Variants in CFTR observed in about 807,000 individuals in gnomAD.
The protein encoded by CFTR is CF transmembrane conductance regulator.
A neutral mutation model predicts 171.6 loss-of-function variants in CFTR; 181 were observed. The ratio of observed to expected loss-of-function variants is 1.05; its 90% CI spans 0.93 to 1.19. The LOEUF (loss-of-function observed/expected upper bound fraction) is 1.19. Ranked by LOEUF, CFTR falls within the 50% of genes most tolerant of loss-of-function variation. The pLI, the probability that CFTR is intolerant of heterozygous loss-of-function variation, is 0.00. For missense variants in CFTR, 1,968 were observed against 1,734.7 expected (o/e 1.13, Z -2.39); for synonymous variants, 583 against 608.0 (o/e 0.96, Z 0.60).
At chr7:117,580,310 G>A (rs1395799462) in intron 11 of CFTR, among the ~76,000 whole-genome samples, 1 of 151,928 alleles carries the variant, frequency 6.6e-6, no homozygotes, top group African/African-American at 2.4e-5. Context: ...CAATTTCATA[G>A]GTATTAAGGA....
At chr7:117,640,409 C>T (rs1792892569) in intron 22 of CFTR, among the ~76,000 whole-genome samples, 1 of 152,056 alleles carries the variant, frequency 6.6e-6, no homozygotes, top group South Asian at 2.1e-4. Context: ...CAGTCTTTCC[C>T]AACCTAAAAA....
chr7:117,636,596 G>T (rs905196738), intron 22 of CFTR, among the ~76,000 whole-genome samples: 1 of 148,296 alleles, frequency 6.7e-6, no homozygotes, highest in Admixed American at 6.7e-5. Context: ...TTTTTCCTTC[G>T]CATTTCAGTG....
chr7:117,551,756 GC>G (rs1799274783), intron 10 of CFTR, among the ~76,000 whole-genome samples: 1 of 152,170 alleles, frequency 6.6e-6, no homozygotes, highest in South Asian at 2.1e-4. Context: ...ATCACTGGAT[GC>G]CCTTGACTGA....
At chr7:117,647,877 T>C (rs1174750614) in intron 23 of CFTR, among the ~76,000 whole-genome samples, 3 of 151,548 alleles carry the variant, frequency 2.0e-5, no homozygotes, top group African/African-American at 7.3e-5. Flanking sequence ...TTGTTCACAT[T>C]GAACAGATTT....
rs558574756 is a variant in CFTR at position 117,501,022 on chromosome 7, C to G, written c.54-3231C>G. On this transcript the variant is annotated intron_variant, in intron 1 of 26. Transcript: ENST00000003084. The stretch of plus-strand genomic sequence containing the variant: ...AAGGTCACTGGGTTGTAAATAAGGA[C>G]CAAAAGAGTTACGTTTATATTTTTT... Among the ~76,000 whole-genome samples the G allele has an allele frequency of 1.2e-3, 182 of 152,106 alleles. 1 individual carries two copies. Among genetic ancestry groups the G allele is most frequent in the African/African-American group, 4.3e-3 (180 of 41,470 alleles).
At position 117,667,001 on chromosome 7, in the gene CFTR, AG is replaced by A. The variant is rs1554397772; in HGVS notation, c.4339del (p.Val1447Ter). ...LFRQAISPSD[R>X]VKLFPHRNSS... ...CCGGCAAGCCATCAGCCCCTCCGAC[AG>A]GGTGAAGCTCTTTCCCCACCGGAAC... is the stretch of plus-strand genomic sequence containing the variant. On this transcript the variant is annotated frameshift_variant, in exon 27 of 27. Coordinates refer to ENST00000003084, the MANE Select transcript of CFTR (RefSeq NM_000492.4). LOFTEE classifies it high-confidence loss of function. 1.9e-6 allele frequency: 3 copies of A among 1,613,964 alleles called. No homozygotes were observed. The highest frequency in any genetic ancestry group is 2.5e-6 in the Non-Finnish European group (3 of 1,179,960).
chr7:117,619,133 A>G (rs1792535643), intron 21 of CFTR, among the ~76,000 whole-genome samples: 1 of 152,220 alleles, frequency 6.6e-6, no homozygotes, highest in African/African-American at 2.4e-5. Flanking sequence ...TGTTATTGCT[A>G]AAGCAATTAT....
intron 11 of CFTR, among the ~76,000 whole-genome samples, chr7:117,571,950 A>G (rs944395266): frequency 6.6e-6 from 1 of 152,032 alleles, no homozygotes; most frequent in East Asian, 1.9e-4. Context: ...GTTTTCTGCT[A>G]TATATTTGGT....
intron 13 of CFTR, among the ~76,000 whole-genome samples, chr7:117,590,838 C>T (rs570329432): frequency 1.6e-4 from 25 of 152,012 alleles, no homozygotes; most frequent in Admixed American, 4.6e-4. Context: ...AATATATATG[C>T]TAAGTGTTTT....
chr7:117,628,384 T>G (rs1022556892), intron 22 of CFTR, among the ~76,000 whole-genome samples: 1 of 152,200 alleles, frequency 6.6e-6, no homozygotes, highest in African/African-American at 2.4e-5. Flanking sequence ...GAGACAGGGA[T>G]GGTCATTATC....
At chr7:117,568,244 G>T (rs917225542) in intron 11 of CFTR, among the ~76,000 whole-genome samples, 3 of 152,134 alleles carry the variant, frequency 2.0e-5, no homozygotes, top group African/African-American at 7.2e-5. Context: ...ACCTTTATAT[G>T]CTCCAGTAAG....
rs1229041853 is a variant in CFTR at position 117,540,101 on chromosome 7, A to G, written c.871A>G (p.Thr291Ala). The G allele has an allele frequency of 6.2e-7, 1 of 1,611,872 alleles. No individual in the cohort carries two copies. Among genetic ancestry groups the G allele is most frequent in the South Asian group, 1.1e-5 (1 of 91,038 alleles). ...TTTTATTGTTATTGTTTTTTATAGA[A>G]CAGAACTGAAACTGACTCGGAAGGC... ...MEKMIENLRQTELKLTRKAAY... is the reference protein window; with the variant it reads ...MEKMIENLRQAELKLTRKAAY... Residue 291 changes from threonine to alanine, a missense_variant and splice_region_variant, in exon 8 of 27, where the codon ACA becomes GCA. Transcript: ENST00000003084.
intron 11 of CFTR, among the ~76,000 whole-genome samples, chr7:117,569,716 G>A (rs1482307348): frequency 6.6e-6 from 1 of 152,168 alleles, no homozygotes; most frequent in African/African-American, 2.4e-5. Context: ...GACTCAAACA[G>A]GTAGTGGGGA....
At position 117,666,957 on chromosome 7, in the gene CFTR, T is replaced by G. The variant is rs1241265035; in HGVS notation, c.4292T>G (p.Leu1431Arg). Reference sequence around the variant, plus strand: ...CAGTACGATTCCATCCAGAAACTGCTGAACGAGAGGAGCCTCTTCCGGCAA... The same window carrying G: ...CAGTACGATTCCATCCAGAAACTGCGGAACGAGAGGAGCCTCTTCCGGCAA... ...VRQYDSIQKLLNERSLFRQAI... is the reference protein window; with the variant it reads ...VRQYDSIQKLRNERSLFRQAI... The change falls in exon 27 of 27, where the codon CTG becomes CGG. Residue 1431 changes from leucine to arginine, a missense_variant. Leu to Arg is a moderately radical substitution (Grantham distance 102). Coordinates refer to ENST00000003084, the MANE Select transcript of CFTR (RefSeq NM_000492.4). 1.2e-6 allele frequency: 2 copies of G among 1,614,050 alleles called. No individual in the cohort carries two copies. Among genetic ancestry groups the G allele is most frequent in the Non-Finnish European group, 1.7e-6 (2 of 1,179,984 alleles).
Position 117,603,557 on chromosome 7 carries a change from A to C in CFTR, c.2683A>C (p.Ser895Arg). ...CACTCCTCTTCAAGACAAAGGGAAT[A>C]GTACTCATAGTAGAAATAACAGCTA... is the stretch of plus-strand genomic sequence containing the variant. Reference protein sequence around the residue: ...GNTPLQDKGNSTHSRNNSYAV... With the variant: ...GNTPLQDKGNRTHSRNNSYAV... Residue 895 changes from serine (S) to arginine (R), a missense_variant, in exon 17 of 27, where the codon AGT becomes CGT. Transcript: ENST00000003084. The C allele has an allele frequency of 1.2e-6, 2 of 1,613,992 alleles. No individual in the cohort carries two copies. Among genetic ancestry groups the C allele is most frequent in the Non-Finnish European group, 1.7e-6 (2 of 1,179,888 alleles).
At chr7:117,537,395 G>T (rs1798975583) in intron 7 of CFTR, among the ~76,000 whole-genome samples, 1 of 142,616 alleles carries the variant, frequency 7.0e-6, no homozygotes. Context: ...GTAGCAATGA[G>T]ACCATTTTTC....
At chr7:117,523,381 GTT>G in intron 3 of CFTR, among the ~76,000 whole-genome samples, 1 of 142,590 alleles carries the variant, frequency 7.0e-6, no homozygotes. Context: ...TTTGTTTTTT[GTT>G]TTTTTTTTTT....
chr7:117,494,582 A>G (rs1302310577), intron 1 of CFTR, among the ~76,000 whole-genome samples: 3 of 152,256 alleles, frequency 2.0e-5, no homozygotes, highest in Admixed American at 1.3e-4. Context: ...GATGGCTCGG[A>G]AAAATATGGG....
intron 1 of CFTR, among the ~76,000 whole-genome samples, chr7:117,502,977 G>A (rs1349474162): frequency 6.6e-6 from 1 of 152,148 alleles, no homozygotes; most frequent in Non-Finnish European, 1.5e-5. Context: ...CCCAGGGCAG[G>A]TGCCTACTGA....
Sources: allele counts gnomAD v4.1 joint callset (sites outside exome capture counted in the v4.1 genomes callset), GRCh38; gene constraint gnomAD v4.1.1; transcripts MANE v1.5; gene names NCBI Gene and HGNC (gene_info 2026-07-23, HGNC 2026-07-21).